IQANK1: variants seen among roughly 807,000 people sequenced by gnomAD.
IQANK1 encodes the protein IQ motif and ankyrin repeat domain-containing protein 1.
Under a neutral mutation model 22.6 loss-of-function variants are expected in IQANK1, and 30 were observed. That is an observed-to-expected ratio of 1.33 (90% CI 0.99 to 1.80). IQANK1 has a LOEUF of 1.80. Among genes scored for constraint, IQANK1 ranks in the 40% most tolerant of loss-of-function variants. The pLI is 0.00. For missense variants in IQANK1, 275 were observed against 235.2 expected, an observed-to-expected ratio of 1.17 and a Z score of -1.11; for synonymous variants, 122 against 99.6, an observed-to-expected ratio of 1.23 and a Z score of -1.34.
At chr8:143,751,652 G>GTATATA (rs1282292064) in intron 3 of IQANK1, among the ~76,000 whole-genome samples, 47 of 33,330 alleles carry the variant, frequency 1.4e-3, no homozygotes, top group African/African-American at 2.4e-3. Flanking sequence ...GTGTGTGTGT[G>GTATATA]TGTGTGTGTG....
intron 7 of IQANK1, among the ~76,000 whole-genome samples, chr8:143,780,863 A>G (rs1437140766): frequency 6.6e-6 from 1 of 152,164 alleles, no homozygotes; most frequent in East Asian, 1.9e-4. Context: ...TGCTGGGTCC[A>G]ATGGTAGTTC....
intron 3 of IQANK1, among the ~76,000 whole-genome samples, chr8:143,763,260 C>T (rs939011945): frequency 2.6e-5 from 4 of 152,276 alleles, no homozygotes; most frequent in Middle Eastern, 3.4e-3. Flanking sequence ...ATGATCTGCC[C>T]GCCTTGGCCT....
chr8:143,777,534 A>C (rs1330867619), intron 7 of IQANK1, among the ~76,000 whole-genome samples: 13 of 151,156 alleles, frequency 8.6e-5, no homozygotes, highest in Admixed American at 2.6e-4. Context: ...AAAAAAAAAA[A>C]AAAAACAAAC....
At chr8:143,784,771 G>C (rs1489203302) in intron 7 of IQANK1, among the ~76,000 whole-genome samples, 6 of 151,988 alleles carry the variant, frequency 3.9e-5, no homozygotes, top group African/African-American at 1.5e-4. Flanking sequence ...ATAGCTCATT[G>C]GTCAGATCTA....
chr8:143,790,459 G>T lies in IQANK1; in HGVS notation c.1534G>T (p.Asp512Tyr), dbSNP rs547161495. The change falls in exon 14 of 14, where the codon GAC becomes TAC. Residue 512 changes from aspartate (D) to tyrosine (Y), a missense_variant. By Grantham distance (160) the Asp-to-Tyr change is radical. Transcript: ENST00000527139. ...GTACCTGTCGCTGCTGCGGCCCACGGACGGGCCTGAGTATAGCCCCACGCA... is the reference window on the plus strand; with the variant it reads ...GTACCTGTCGCTGCTGCGGCCCACGTACGGGCCTGAGTATAGCCCCACGCA... Reference protein sequence around the residue: ...ERYLSLLRPTDGPEYSPTQFQ... With the variant: ...ERYLSLLRPTYGPEYSPTQFQ... 2.2e-6 allele frequency: 1 copy of T among 458,446 alleles called. No individual in the cohort carries two copies. The highest frequency in any genetic ancestry group is 3.5e-5 in the East Asian group (1 of 28,306). The allele number at this position is 458,446 out of a possible 1,614,324, so 28.4% of individuals were successfully genotyped here.
chr8:143,753,533 A>C (rs1212755722), intron 3 of IQANK1, among the ~76,000 whole-genome samples: 2 of 148,002 alleles, frequency 1.4e-5, no homozygotes, highest in Non-Finnish European at 3.0e-5. Flanking sequence ...GGCTCACTGC[A>C]ACCTCTGCCT....
chr8:143,761,315 C>T (rs1396140226), intron 3 of IQANK1, among the ~76,000 whole-genome samples: 1 of 152,234 alleles, frequency 6.6e-6, no homozygotes, highest in African/African-American at 2.4e-5. Flanking sequence ...CGGCCCCTGC[C>T]TGCTGCTCCG....
chr8:143,738,082 G>A (rs868974074), intron 2 of IQANK1, among the ~76,000 whole-genome samples: 3 of 152,086 alleles, frequency 2.0e-5, no homozygotes, highest in African/African-American at 2.4e-5. Context: ...TGCTGGTCAC[G>A]TGCCCTGTAG....
At chr8:143,742,121 GT>G (rs1818932320) in intron 3 of IQANK1, 4 of 344,666 alleles carry the variant, frequency 1.2e-5, no homozygotes, top group African/African-American at 6.4e-5. Context: ...TGAGCTCGGT[GT>G]TCCCTGCTCC....
intron 3 of IQANK1, among the ~76,000 whole-genome samples, chr8:143,756,319 G>T (rs1380638212): frequency 6.6e-6 from 1 of 152,164 alleles, no homozygotes; most frequent in African/African-American, 2.4e-5. Flanking sequence ...TAAGGCTGGA[G>T]CTCAGTACAC....
chr8:143,737,825 A>C (rs1818782971), intron 2 of IQANK1, among the ~76,000 whole-genome samples: 1 of 152,204 alleles, frequency 6.6e-6, no homozygotes, highest in Admixed American at 6.5e-5. Flanking sequence ...CTGCATCTGC[A>C]GCTGGACCTG....
intron 1 of IQANK1, among the ~76,000 whole-genome samples, chr8:143,734,615 T>C (rs1554625361): frequency 6.6e-6 from 1 of 151,016 alleles, no homozygotes; most frequent in Admixed American, 6.6e-5. Flanking sequence ...ACGAACACGC[T>C]GACATCCGCA....
intron 3 of IQANK1, among the ~76,000 whole-genome samples, chr8:143,748,886 C>CATATATAAATATATAAATATATATCATAT (rs567977254): frequency 1.0e-5 from 1 of 96,828 alleles, no homozygotes; most frequent in East Asian, 3.0e-4. Context: ...ATATATATAT[C>CATATATAAATATATAAATATATATCATAT]ATAAATACTT....
chr8:143,741,316 A>G (rs1362700960), intron 3 of IQANK1, among the ~76,000 whole-genome samples: 2 of 151,854 alleles, frequency 1.3e-5, no homozygotes, highest in African/African-American at 4.8e-5. Flanking sequence ...GTCGAGGGAA[A>G]CTCAAACTGC....
chr8:143,768,357 C>T (rs570604429), intron 3 of IQANK1, among the ~76,000 whole-genome samples: 30 of 152,022 alleles, frequency 2.0e-4, no homozygotes, highest in African/African-American at 6.0e-4. Context: ...ACGTTGCCCT[C>T]GATCACTTAG....
intron 3 of IQANK1, among the ~76,000 whole-genome samples, chr8:143,741,288 A>G (rs1818906485): frequency 6.6e-6 from 1 of 152,126 alleles, no homozygotes; most frequent in Non-Finnish European, 1.5e-5. Flanking sequence ...GGCAGACAGG[A>G]CCAGGGAGCT....
chr8:143,771,767 G>A lies in IQANK1; in HGVS notation c.307-34G>A. The A allele has an allele frequency of 2.5e-6, 1 of 397,540 alleles. No homozygotes were observed. The allele number at this position is 397,540 out of a possible 1,614,324, so 24.6% of individuals were successfully genotyped here. On this transcript the variant is annotated intron_variant, in intron 4 of 13. Transcript: ENST00000527139. This position sits in a 1 kb window ranked among gnomAD's most constrained non-coding sequence, Gnocchi z 6.0. ...GCCTCGGGGCTCGGGGCGGTGGCGC[G>A]GAGTGGGCGGTGACTTCGGCGGGCG...
intron 3 of IQANK1, among the ~76,000 whole-genome samples, chr8:143,761,232 T>C (rs1001642150): frequency 2.2e-4 from 33 of 152,198 alleles, no homozygotes; most frequent in African/African-American, 7.9e-4. Context: ...GCCGCCACCC[T>C]TTACCCCCGG....
At chr8:143,764,498 G>C (rs1243393499) in intron 3 of IQANK1, among the ~76,000 whole-genome samples, 1 of 151,118 alleles carries the variant, frequency 6.6e-6, no homozygotes, top group Admixed American at 6.6e-5. Flanking sequence ...CTCCTCAGGA[G>C]ACTGAGGTGG....
Sources: allele counts gnomAD v4.1 joint callset (sites outside exome capture counted in the v4.1 genomes callset), GRCh38; gene constraint gnomAD v4.1.1; non-coding constraint Gnocchi (gnomAD v3.1); transcripts MANE v1.5; gene names NCBI Gene and HGNC (gene_info 2026-07-23, HGNC 2026-07-21).